SYNPR: variants seen among roughly 807,000 people sequenced by gnomAD.
The protein encoded by SYNPR is synaptoporin.
A neutral mutation model predicts 32.9 loss-of-function variants in SYNPR; 23 were observed. The ratio of observed to expected loss-of-function variants is 0.70; its 90% CI spans 0.50 to 0.99. The LOEUF (loss-of-function observed/expected upper bound fraction) is 0.99, where lower values mean the gene tolerates loss of function less well. Among genes scored for constraint, SYNPR ranks in the 50% least tolerant of loss-of-function variants. The pLI is 0.00. For missense variants in SYNPR, 318 were observed against 349.3 expected, an observed-to-expected ratio of 0.91 and a Z score of 0.71; for synonymous variants, 146 against 135.9, an observed-to-expected ratio of 1.07 and a Z score of -0.52.
At chr3:63,560,596 G>C (rs1188279736) in intron 4 of SYNPR, among the ~76,000 whole-genome samples, 1 of 152,206 alleles carries the variant, frequency 6.6e-6, no homozygotes, top group Non-Finnish European at 1.5e-5. Context: ...AGAATGGCCT[G>C]AGATTAGGTA....
intron 4 of SYNPR, among the ~76,000 whole-genome samples, chr3:63,602,976 G>C (rs1216453141): frequency 6.6e-6 from 1 of 152,176 alleles, no homozygotes; most frequent in African/African-American, 2.4e-5. Context: ...CTCTCCATGA[G>C]CATGGAATGT....
intron 2 of SYNPR, among the ~76,000 whole-genome samples, chr3:63,261,074 T>G (rs1455410049): frequency 6.6e-6 from 1 of 152,112 alleles, no homozygotes; most frequent in Non-Finnish European, 1.5e-5. Flanking sequence ...CAACAGGTGC[T>G]GGAGAGGATG....
chr3:63,577,629 GT>G (rs952760654), intron 4 of SYNPR, among the ~76,000 whole-genome samples: 92 of 152,258 alleles, frequency 6.0e-4, no homozygotes, highest in African/African-American at 2.1e-3. Context: ...ATGAATGTAG[GT>G]ATGTGTGAGT....
At chr3:63,235,859 G>T (rs1216303812) in intron 1 of SYNPR, among the ~76,000 whole-genome samples, 1 of 151,942 alleles carries the variant, frequency 6.6e-6, no homozygotes, top group Non-Finnish European at 1.5e-5. Flanking sequence ...CAGATCAAAA[G>T]TTTTTCATTT....
intron 2 of SYNPR, among the ~76,000 whole-genome samples, chr3:63,349,887 T>G (rs1327473817): frequency 6.6e-6 from 1 of 152,224 alleles, no homozygotes; most frequent in South Asian, 2.1e-4. Flanking sequence ...CTTTCTTTTA[T>G]TTTTGTCTTT....
chr3:63,508,422 G>A (rs1266171091), intron 3 of SYNPR, among the ~76,000 whole-genome samples: 1 of 152,134 alleles, frequency 6.6e-6, no homozygotes, highest in East Asian at 1.9e-4. Context: ...TAAAAACAGA[G>A]CTGACTCAGA....
chr3:63,353,462 C>T (rs2087535960), intron 2 of SYNPR, among the ~76,000 whole-genome samples: 1 of 152,186 alleles, frequency 6.6e-6, no homozygotes, highest in African/African-American at 2.4e-5. Context: ...ATGTTTTAAG[C>T]ATCACATTCT....
At chr3:63,396,964 C>T (rs547819020) in intron 2 of SYNPR, among the ~76,000 whole-genome samples, 9 of 152,008 alleles carry the variant, frequency 5.9e-5, no homozygotes, top group Non-Finnish European at 1.3e-4. Flanking sequence ...ATTAGCCAGG[C>T]GTGGTGGCAG....
chr3:63,568,300 T>C (rs78914460), intron 4 of SYNPR, among the ~76,000 whole-genome samples: 1 of 152,228 alleles, frequency 6.6e-6, no homozygotes, highest in Non-Finnish European at 1.5e-5. Flanking sequence ...ATATTGAGTG[T>C]GATCCAGAGA....
chr3:63,325,794 C>T (rs1402000103), intron 2 of SYNPR, among the ~76,000 whole-genome samples: 2 of 151,964 alleles, frequency 1.3e-5, no homozygotes, highest in African/African-American at 2.4e-5. Flanking sequence ...AGCTCCTTGT[C>T]CCCACAACTG....
At chr3:63,385,973 A>T (rs886550155) in intron 2 of SYNPR, among the ~76,000 whole-genome samples, 1 of 152,216 alleles carries the variant, frequency 6.6e-6, no homozygotes, top group Admixed American at 6.5e-5. Context: ...ACCTTGCTAG[A>T]AAAGTGTTGA....
chr3:63,605,728 T>C (rs1700108086), intron 4 of SYNPR, among the ~76,000 whole-genome samples: 1 of 152,208 alleles, frequency 6.6e-6, no homozygotes, highest in Non-Finnish European at 1.5e-5. Flanking sequence ...AGCATCATGA[T>C]ACAATGAAAT....
At chr3:63,452,301 C>G (rs6793874) in intron 2 of SYNPR, among the ~76,000 whole-genome samples, 83,092 of 151,898 alleles carry the variant, frequency 0.55, 23,627 homozygotes, top group Admixed American at 0.66. Flanking sequence ...TTTAAAAATC[C>G]CTCAAAAGTG....
At chr3:63,484,519 G>T (rs756180848) in intron 3 of SYNPR, among the ~76,000 whole-genome samples, 1 of 152,126 alleles carries the variant, frequency 6.6e-6, no homozygotes, top group Non-Finnish European at 1.5e-5. Flanking sequence ...TCAGAGGTTA[G>T]GGGGCTATAG....
At chr3:63,381,055 C>A (rs908053389) in intron 2 of SYNPR, among the ~76,000 whole-genome samples, 2 of 152,134 alleles carry the variant, frequency 1.3e-5, no homozygotes, top group Admixed American at 1.3e-4. Flanking sequence ...CTGGCCAGGG[C>A]AGTCGGGCAG....
At chr3:63,534,819 C>T (rs1490217558) in intron 3 of SYNPR, among the ~76,000 whole-genome samples, 1 of 152,114 alleles carries the variant, frequency 6.6e-6, no homozygotes, top group African/African-American at 2.4e-5. Context: ...TTTTTAACAA[C>T]CAGCTCTCAT....
intron 2 of SYNPR, among the ~76,000 whole-genome samples, chr3:63,343,497 C>T (rs1208348959): frequency 6.6e-6 from 1 of 152,100 alleles, no homozygotes; most frequent in Non-Finnish European, 1.5e-5. Context: ...GTTTGGAGGT[C>T]CTGCCTCTAT....
chr3:63,559,381 T>C (rs1242171161), intron 4 of SYNPR, among the ~76,000 whole-genome samples: 1 of 152,208 alleles, frequency 6.6e-6, no homozygotes, highest in African/African-American at 2.4e-5. Context: ...CCCAGCCTAA[T>C]ACATTTAATA....
At chr3:63,221,093 GA>G in the SYNPR span, among the ~76,000 whole-genome samples, 1 of 152,182 alleles carries the variant, frequency 6.6e-6, no homozygotes, top group Admixed American at 6.5e-5. Context: ...AAGAAATGAA[GA>G]ATTTGGATAT....
Sources: allele counts gnomAD v4.1 joint callset (sites outside exome capture counted in the v4.1 genomes callset), GRCh38; gene constraint gnomAD v4.1.1; transcripts MANE v1.5; gene names NCBI Gene and HGNC (gene_info 2026-07-23, HGNC 2026-07-21).